EEPD1: variants seen among roughly 807,000 people sequenced by gnomAD.
EEPD1 encodes endonuclease/exonuclease/phosphatase family domain-containing protein 1.
A neutral mutation model predicts 46.3 loss-of-function variants in EEPD1; 17 were observed. That is an observed-to-expected ratio of 0.37 (90% CI 0.25 to 0.55). The LOEUF (loss-of-function observed/expected upper bound fraction) is 0.55, where lower values mean the gene tolerates loss of function less well. Among genes scored for constraint, EEPD1 ranks in the 20% least tolerant of loss-of-function variants. The pLI, the probability that EEPD1 is intolerant of heterozygous loss-of-function variation, is 0.83. For missense variants in EEPD1, 673 were observed against 745.6 expected (o/e 0.90, Z 1.13); for synonymous variants, 313 against 315.6 (o/e 0.99, Z 0.09).
chr7:36,236,906 G>GC (rs1176174343), intron 2 of EEPD1, among the ~76,000 whole-genome samples: 4 of 152,152 alleles, frequency 2.6e-5, no homozygotes, highest in Admixed American at 6.5e-5. Flanking sequence ...ATAAAAGCAG[G>GC]CCCCCTAGCC....
intron 2 of EEPD1, among the ~76,000 whole-genome samples, chr7:36,222,888 C>A (rs1158570870): frequency 6.6e-6 from 1 of 152,192 alleles, no homozygotes; most frequent in Non-Finnish European, 1.5e-5. Context: ...AGGTGGCTCA[C>A]GCCTGTAATC....
chr7:36,253,548 A>G (rs1356959984), intron 3 of EEPD1, among the ~76,000 whole-genome samples: 1 of 149,884 alleles, frequency 6.7e-6, no homozygotes, highest in Non-Finnish European at 1.5e-5. Flanking sequence ...TGGGTATTGA[A>G]CTCTCCAATT....
intron 1 of EEPD1, among the ~76,000 whole-genome samples, chr7:36,153,904 C>T (rs1482171974): frequency 5.9e-5 from 9 of 152,262 alleles, no homozygotes; most frequent in Admixed American, 4.6e-4. Flanking sequence ...GGATAGGTCT[C>T]TTCCCAAGAG....
chr7:36,267,852 A>G (rs1429271411), intron 3 of EEPD1, among the ~76,000 whole-genome samples: 3 of 152,144 alleles, frequency 2.0e-5, no homozygotes, highest in Admixed American at 6.5e-5. Flanking sequence ...TTGGGTCATG[A>G]GGGGTACAGC....
rs70977116 is a variant in EEPD1, at chr7:36,198,415, CAAAAA to C, written c.879-40555_879-40551del. 1.8e-4 allele frequency among the ~76,000 whole-genome samples: 17 copies of C among 93,650 alleles called. 1 individual carries two copies. The highest frequency in any genetic ancestry group is 1.4e-3 in the Admixed American group (12 of 8,322). 61.4% of individuals were successfully genotyped at this position (93,650 alleles called of 152,430 possible). ...ACTGGTTAATAAAACTTTAATAAAC[CAAAAA>C]AAAAAAAAAAAAAAGAAATCTTTTA... On this transcript the variant is annotated intron_variant, in intron 2 of 7. Coordinates refer to ENST00000242108, the MANE Select transcript of EEPD1 (RefSeq NM_030636.3).
intron 5 of EEPD1, among the ~76,000 whole-genome samples, chr7:36,285,804 C>G (rs1044784464): frequency 2.6e-5 from 4 of 152,204 alleles, no homozygotes; most frequent in Non-Finnish European, 5.9e-5. Context: ...TTGGGAGCAG[C>G]CCCTGTGTTG....
At chr7:36,195,571 G>C (rs1785566097) in intron 2 of EEPD1, among the ~76,000 whole-genome samples, 1 of 152,208 alleles carries the variant, frequency 6.6e-6, no homozygotes, top group Non-Finnish European at 1.5e-5. Context: ...AGAGTAGAAT[G>C]GTGGTTAAAA....
chr7:36,243,303 GC>G (rs1351165218), intron 3 of EEPD1, among the ~76,000 whole-genome samples: 1 of 75,454 alleles, frequency 1.3e-5, no homozygotes, highest in Non-Finnish European at 3.0e-5. Context: ...GGCCAATTAA[GC>G]CTGGTTTTTT....
chr7:36,247,481 G>A (rs1319090460), intron 3 of EEPD1, among the ~76,000 whole-genome samples: 2 of 152,162 alleles, frequency 1.3e-5, no homozygotes, highest in African/African-American at 2.4e-5. Context: ...GTTTACCAAC[G>A]GGGATAAAGT....
intron 3 of EEPD1, among the ~76,000 whole-genome samples, chr7:36,276,007 C>T (rs1183480691): frequency 6.6e-6 from 1 of 152,168 alleles, no homozygotes; most frequent in African/African-American, 2.4e-5. Context: ...TTCTAAATGC[C>T]AGCACCTTGT....
At position 36,225,686 on chromosome 7, in the gene EEPD1, T is replaced by A. The variant is rs955193770; in HGVS notation, c.879-13299T>A. On this transcript the variant is annotated intron_variant, in intron 2 of 7. Coordinates refer to ENST00000242108, the MANE Select transcript of EEPD1 (RefSeq NM_030636.3). This position sits in a 1 kb window ranked among gnomAD's most constrained non-coding sequence, Gnocchi z 4.2. The stretch of plus-strand genomic sequence containing the variant: ...AAAACATCTGGGAATTAAAAAAAAA[T>A]TTGGCTCTATTCCCAGGCCCCATAA... 1.3e-5 allele frequency among the ~76,000 whole-genome samples: 2 copies of A among 152,188 alleles called. No homozygotes were observed. The highest frequency in any genetic ancestry group is 2.4e-5 in the African/African-American group (1 of 41,516).
At chr7:36,264,920 A>C (rs973234400) in intron 3 of EEPD1, among the ~76,000 whole-genome samples, 1 of 152,198 alleles carries the variant, frequency 6.6e-6, no homozygotes, top group Non-Finnish European at 1.5e-5. Context: ...CTGAAAAAAA[A>C]AAAAACAAAA....
chr7:36,172,106 C>T (rs1175513720), intron 2 of EEPD1, among the ~76,000 whole-genome samples: 1 of 152,170 alleles, frequency 6.6e-6, no homozygotes, highest in African/African-American at 2.4e-5. Context: ...TTCTGTCTTA[C>T]TGTGGTGTTA....
Position 36,155,048 on chromosome 7 carries a change from A to G in EEPD1, c.724A>G (p.Ile242Val). 6.2e-7 allele frequency: 1 copy of G among 1,601,854 alleles called. No individual in the cohort carries two copies. The highest frequency in any genetic ancestry group is 8.5e-7 in the Non-Finnish European group (1 of 1,172,566). ...DLPPGGPTQI[I>V]STRPSVEAFG... ...GCCGCCAGGGGGGCCCACCCAGATT[A>G]TCTCCACTCGGCCGTCCGTGGAGGC... The change falls in exon 2 of 8, where the codon ATC becomes GTC. Residue 242 changes from isoleucine (I) to valine (V), a missense_variant. Coordinates refer to ENST00000242108, the MANE Select transcript of EEPD1 (RefSeq NM_030636.3).
chr7:36,222,151 T>C (rs761612568), intron 2 of EEPD1, among the ~76,000 whole-genome samples: 24 of 152,136 alleles, frequency 1.6e-4, no homozygotes, highest in Non-Finnish European at 3.2e-4. Flanking sequence ...ACATAAGTAC[T>C]ACCAGCCTAC....
In EEPD1 at chr7:36,297,094, C is replaced by G; in HGVS notation, c.1417C>G (p.His473Asp). ...KEKFHHLIPA[H>D]TFTNISTKNP... ...AAAGTTCCACCACCTGATCCCCGCG[C>G]ACACCTTCACCAACATCAGCACCAA... Residue 473 changes from histidine (H) to aspartate (D), a missense_variant, in exon 7 of 8, where the codon CAC (histidine) becomes GAC (aspartate). His to Asp is a moderately conservative substitution (Grantham distance 81, BLOSUM62 -1). Transcript: ENST00000242108. 2 of 1,614,236 alleles carry G rather than the reference C, an allele frequency of 1.2e-6. No individual in the cohort carries two copies. Among genetic ancestry groups the G allele is most frequent in the Non-Finnish European group, 1.7e-6 (2 of 1,180,048 alleles).
Position 36,275,707 on chromosome 7 carries a change from G to T in EEPD1, c.931-5408G>T, listed in dbSNP as rs556044364. On this transcript the variant is annotated intron_variant, in intron 3 of 7. Coordinates refer to ENST00000242108, the MANE Select transcript of EEPD1 (RefSeq NM_030636.3). ...AAACTCCTGACCTCGTGATCCACCCGCTTCGCCCTTCCAAAGTATTGGGAT... is the reference window on the plus strand; with the variant it reads ...AAACTCCTGACCTCGTGATCCACCCTCTTCGCCCTTCCAAAGTATTGGGAT... 4.6e-5 allele frequency among the ~76,000 whole-genome samples: 7 copies of T among 152,250 alleles called. No homozygotes were observed. The South Asian group carries it at 8.3e-4, about 18-fold the overall frequency.
At chr7:36,227,782 G>A (rs1786253686) in intron 2 of EEPD1, among the ~76,000 whole-genome samples, 1 of 152,126 alleles carries the variant, frequency 6.6e-6, no homozygotes, top group African/African-American at 2.4e-5. Flanking sequence ...TCGCCTCCCA[G>A]GTTCAAGTGA....
chr7:36,252,931 T>A (rs909359277), intron 3 of EEPD1, among the ~76,000 whole-genome samples: 1 of 148,484 alleles, frequency 6.7e-6, no homozygotes, highest in Admixed American at 6.8e-5. Context: ...TTGGTTTTTC[T>A]GGGTTTTTAT....
Sources: gnomAD v4.1 joint callset for allele counts (sites outside exome capture counted in the v4.1 genomes callset) on GRCh38, gnomAD v4.1.1 for gene constraint, Gnocchi (gnomAD v3.1) non-coding constraint, MANE v1.5 for transcripts, NCBI Gene and HGNC (gene_info 2026-07-23, HGNC 2026-07-21) for gene names.